Variants in KCTD1 observed in about 807,000 individuals in gnomAD.
KCTD1 encodes potassium channel tetramerization domain containing 1.
Under a neutral mutation model 66.0 loss-of-function variants are expected in KCTD1, and 24 were observed. That is an observed-to-expected ratio of 0.36 (90% CI 0.26 to 0.51). The LOEUF (loss-of-function observed/expected upper bound fraction) is 0.51. Ranked by LOEUF, KCTD1 falls within the 20% of genes least tolerant of loss-of-function variation. KCTD1 has a pLI of 0.95. For missense variants in KCTD1, 943 were observed against 1,205.2 expected, an observed-to-expected ratio of 0.78 and a Z score of 3.22; for synonymous variants, 511 against 517.2, an observed-to-expected ratio of 0.99 and a Z score of 0.16.
chr18:26,570,123 T>C (rs1443599071), intron 1 of KCTD1, among the ~76,000 whole-genome samples: 3 of 149,484 alleles, frequency 2.0e-5, no homozygotes, highest in African/African-American at 4.9e-5. Flanking sequence ...GAAGGGGAGG[T>C]TGCAGTGAGA....
chr18:26,644,766 A>G (rs191784755), upstream of KCTD1, among the ~76,000 whole-genome samples: 5,193 of 149,990 alleles, frequency 0.035, 123 homozygotes, highest in East Asian at 0.068. Context: ...AAAAAAAAAA[A>G]AGAGAGAGAG....
At chr18:26,521,314 G>C (rs1983898627) in intron 1 of KCTD1, among the ~76,000 whole-genome samples, 1 of 152,324 alleles carries the variant, frequency 6.6e-6, no homozygotes, top group Admixed American at 6.5e-5. Flanking sequence ...CAGTGGACTT[G>C]TGACACTTCA....
rs1441445808 is a variant in KCTD1 at position 26,546,888 on chromosome 18, G to A, written c.1649C>T (p.Thr550Ile). ...GCGGATACAAAGTCTTTTGGGGGAA[G>A]TGGGGCCGCAGATTTCCCCCGACCC... ...VFGSGEICGPTSPKRLCIRPS... is the reference protein window; with the variant it reads ...VFGSGEICGPISPKRLCIRPS... Residue 550 changes from threonine (T) to isoleucine (I), a missense_variant, in exon 1 of 5, where the codon ACT becomes ATT. By Grantham distance (89) the Thr-to-Ile change is moderately conservative (BLOSUM62 -1). Transcript: ENST00000580059. The A allele has an allele frequency of 3.4e-6, 5 of 1,487,276 alleles. 1 individual carries two copies. The highest frequency in any genetic ancestry group is 2.8e-5 in the South Asian group (2 of 71,956). The allele number at this position is 1,487,276 out of a possible 1,614,324, so 92.1% of individuals were successfully genotyped here.
At chr18:26,479,420 C>A (rs1305223424) in intron 2 of KCTD1, among the ~76,000 whole-genome samples, 2 of 152,254 alleles carry the variant, frequency 1.3e-5, no homozygotes, top group Non-Finnish European at 2.9e-5. Flanking sequence ...CGCAGACCCC[C>A]CGCCAGGCCG....
chr18:26,476,083 G>A lies in KCTD1; in HGVS notation c.2133+432C>T, dbSNP rs975332135. On this transcript the variant is annotated intron_variant, in intron 3 of 4. Transcript: ENST00000580059. The surrounding 1 kb of genome is among the most constrained non-coding windows in gnomAD (Gnocchi z 4.9). ...GCCTAGAGTTACCAGCACAATGTGG[G>A]CTATCTCAGCGTGACTAACCTTAAC... Among the ~76,000 whole-genome samples the A allele has an allele frequency of 6.6e-6, 1 of 152,120 alleles. No individual in the cohort carries two copies. Among genetic ancestry groups the A allele is most frequent in the Non-Finnish European group, 1.5e-5 (1 of 68,022 alleles).
chr18:26,615,418 C>T (rs764057910), intron 1 of KCTD1, among the ~76,000 whole-genome samples: 17 of 152,068 alleles, frequency 1.1e-4, no homozygotes, highest in Admixed American at 5.9e-4. Flanking sequence ...GGGAGGAGTC[C>T]GTGGATAGAG....
intron 2 of KCTD1, among the ~76,000 whole-genome samples, chr18:26,497,599 G>A (rs962748006): frequency 2.0e-5 from 3 of 152,176 alleles, no homozygotes; most frequent in African/African-American, 7.2e-5. Flanking sequence ...CATTAAATTG[G>A]ATGTTGCTTT....
At chr18:26,535,710 C>T (rs1346236474) in intron 1 of KCTD1, among the ~76,000 whole-genome samples, 6 of 151,978 alleles carry the variant, frequency 3.9e-5, no homozygotes, top group Non-Finnish European at 8.8e-5. Context: ...CTAACTATAC[C>T]ATGTTTATAA....
chr18:26,589,221 G>A (rs1986542037), intron 1 of KCTD1, among the ~76,000 whole-genome samples: 1 of 152,220 alleles, frequency 6.6e-6, no homozygotes, highest in Non-Finnish European at 1.5e-5. Context: ...CAAGACTCGG[G>A]CCTGTGGCTC....
At chr18:26,485,517 C>G (rs1440020606) in intron 2 of KCTD1, among the ~76,000 whole-genome samples, 1 of 152,180 alleles carries the variant, frequency 6.6e-6, no homozygotes, top group Non-Finnish European at 1.5e-5. Context: ...TTTAAGATCA[C>G]CTGGGCCTGT....
At chr18:26,471,769 A>G (rs1334189621) in intron 3 of KCTD1, among the ~76,000 whole-genome samples, 3 of 152,192 alleles carry the variant, frequency 2.0e-5, no homozygotes, top group African/African-American at 4.8e-5. Flanking sequence ...CAAATCTATA[A>G]TGATGTCAAA....
chr18:26,498,984 C>G (rs1218612848), intron 2 of KCTD1, among the ~76,000 whole-genome samples: 3 of 152,214 alleles, frequency 2.0e-5, no homozygotes, highest in Admixed American at 2.0e-4. Flanking sequence ...TACCAGGGAG[C>G]TTCCCAGGGG....
At chr18:26,593,597 G>A (rs1438526754) in intron 1 of KCTD1, among the ~76,000 whole-genome samples, 13 of 127,006 alleles carry the variant, frequency 1.0e-4, no homozygotes, top group Admixed American at 8.5e-4. Flanking sequence ...AGAAGGACAA[G>A]GAGGGAGAAG....
chr18:26,490,456 G>A (rs1032886211), intron 2 of KCTD1, among the ~76,000 whole-genome samples: 4 of 152,280 alleles, frequency 2.6e-5, no homozygotes, highest in South Asian at 2.1e-4. Flanking sequence ...CCAGGATAGC[G>A]AGACTAGAAA....
upstream of KCTD1, among the ~76,000 whole-genome samples, chr18:26,551,101 C>G (rs1985550455): frequency 6.6e-6 from 1 of 152,210 alleles, no homozygotes; most frequent in African/African-American, 2.4e-5. Flanking sequence ...CCCACCAGCT[C>G]CCCTCCCTAC....
At chr18:26,544,289 T>A (rs1370102506) in intron 1 of KCTD1, 1 of 152,216 alleles carries the variant, frequency 6.6e-6, no homozygotes, top group Non-Finnish European at 1.5e-5. Context: ...TCTTTGTTAA[T>A]CCTTGAATGC....
At chr18:26,600,146 AC>A in intron 1 of KCTD1, 2 of 1,607,860 alleles carry the variant, frequency 1.2e-6, no homozygotes, top group South Asian at 2.2e-5. Flanking sequence ...GCCTGTAAGA[AC>A]TGCACCTGTG....
At chr18:26,565,238 A>AT (rs1350658465) in intron 1 of KCTD1, among the ~76,000 whole-genome samples, 1 of 152,144 alleles carries the variant, frequency 6.6e-6, no homozygotes, top group Non-Finnish European at 1.5e-5. Context: ...GTCTCCCTTT[A>AT]TTTTTGCAAA....
chr18:26,538,964 T>G (rs1984844468), intron 1 of KCTD1, among the ~76,000 whole-genome samples: 1 of 152,252 alleles, frequency 6.6e-6, no homozygotes, highest in South Asian at 2.1e-4. Flanking sequence ...TTCTTTTTTG[T>G]GTCTCTGCAT....
Sources: gnomAD v4.1 joint callset for allele counts (sites outside exome capture counted in the v4.1 genomes callset) on GRCh38, gnomAD v4.1.1 for gene constraint, Gnocchi (gnomAD v3.1) non-coding constraint, MANE v1.5 for transcripts, NCBI Gene and HGNC (gene_info 2026-07-23, HGNC 2026-07-21) for gene names.